ZC3H12B: variants seen among roughly 807,000 people sequenced by gnomAD.
ZC3H12B encodes the protein zinc finger CCCH-type containing 12B.
Under a neutral mutation model 43.9 loss-of-function variants are expected in ZC3H12B, and 7 were observed. The ratio of observed to expected loss-of-function variants is 0.16; its 90% CI spans 0.09 to 0.30. The LOEUF (loss-of-function observed/expected upper bound fraction) is 0.30. ZC3H12B is among the 10% of genes least tolerant of loss of function. The pLI is 1.00. For synonymous variants in ZC3H12B, 222 were observed against 241.7 expected (o/e 0.92, Z 0.76); for missense variants, 475 against 670.2 (o/e 0.71, Z 3.22).
At chrX:65,294,816 A>T in the ZC3H12B span, among the ~76,000 whole-genome samples, 4 of 111,444 alleles carry the variant, frequency 3.6e-5, no homozygotes, top group Non-Finnish European at 7.6e-5. Flanking sequence ...TCCTAAATAT[A>T]TATGCAGCTA....
chrX:65,298,593 T>C, the ZC3H12B span, among the ~76,000 whole-genome samples: 1 of 111,514 alleles, frequency 9.0e-6, no homozygotes, highest in East Asian at 2.8e-4. Flanking sequence ...GAAATTCCTC[T>C]TCTGGGTATA....
chrX:65,100,370 C>G, the ZC3H12B span, among the ~76,000 whole-genome samples: 1 of 107,309 alleles, frequency 9.3e-6, no homozygotes, highest in African/African-American at 3.4e-5. Flanking sequence ...CATTCAAATT[C>G]AGGAAATACA....
intron 2 of ZC3H12B, among the ~76,000 whole-genome samples, chrX:65,381,229 A>T (rs4467319): frequency 8.9e-6 from 1 of 111,853 alleles, no homozygotes; most frequent in East Asian, 2.8e-4. Context: ...CACACGTAAA[A>T]GAACAGAAAT....
At chrX:65,491,808 C>T (rs1163032460) in intron 1 of ZC3H12B, among the ~76,000 whole-genome samples, 1 of 108,210 alleles carries the variant, frequency 9.2e-6, no homozygotes, top group East Asian at 2.9e-4. Context: ...ATGACATCAT[C>T]ATAATTATAA....
the ZC3H12B span, among the ~76,000 whole-genome samples, chrX:65,349,549 C>T: frequency 2.7e-5 from 3 of 111,269 alleles, no homozygotes; most frequent in African/African-American, 9.8e-5. Flanking sequence ...GCACGAAAAA[C>T]CCTTCAAAAA....
At chrX:65,093,614 G>T in the ZC3H12B span, among the ~76,000 whole-genome samples, 2 of 112,286 alleles carry the variant, frequency 1.8e-5, no homozygotes, top group African/African-American at 6.5e-5. Flanking sequence ...TGACTGCCCT[G>T]CTGGGTTTTG....
the ZC3H12B span, among the ~76,000 whole-genome samples, chrX:65,085,333 T>C: frequency 9.0e-6 from 1 of 111,491 alleles, no homozygotes; most frequent in Non-Finnish European, 1.9e-5. Context: ...TTGATGTGAT[T>C]ACTTGACATT....
At chrX:65,126,492 C>T in the ZC3H12B span, among the ~76,000 whole-genome samples, 6 of 111,052 alleles carry the variant, frequency 5.4e-5, no homozygotes, top group South Asian at 3.8e-4. Flanking sequence ...TGAGGAATTT[C>T]CCAGGTGTTC....
chrX:65,120,216 G>A, the ZC3H12B span, among the ~76,000 whole-genome samples: 7 of 111,786 alleles, frequency 6.3e-5, no homozygotes, highest in African/African-American at 1.6e-4. Flanking sequence ...GGATTGCATT[G>A]AATCTATAAA....
At chrX:65,383,382 G>T (rs1047246393) in intron 2 of ZC3H12B, among the ~76,000 whole-genome samples, 3 of 111,814 alleles carry the variant, frequency 2.7e-5, no homozygotes, top group Admixed American at 9.5e-5. Flanking sequence ...AATGGTGCTG[G>T]GAAAACTGGC....
the ZC3H12B span, among the ~76,000 whole-genome samples, chrX:65,234,648 C>T: frequency 3.4e-4 from 38 of 112,112 alleles, no homozygotes; most frequent in South Asian, 0.013. Context: ...AAAAAGAAGT[C>T]TATTAGAACT....
intron 1 of ZC3H12B, among the ~76,000 whole-genome samples, chrX:65,368,169 G>A (rs2066197831): frequency 8.9e-6 from 1 of 111,914 alleles, no homozygotes; most frequent in Non-Finnish European, 1.9e-5. Flanking sequence ...AGAAAGGGAT[G>A]GCTATTCTTA....
the ZC3H12B span, among the ~76,000 whole-genome samples, chrX:65,225,983 T>C: frequency 3.6e-5 from 4 of 111,636 alleles, no homozygotes; most frequent in African/African-American, 1.3e-4. Context: ...TTCCCCAATC[T>C]AGCAAGGAAG....
chrX:65,161,779 T>C, the ZC3H12B span, among the ~76,000 whole-genome samples: 1 of 111,897 alleles, frequency 8.9e-6, no homozygotes, highest in Admixed American at 9.6e-5. Context: ...GTTAATATTG[T>C]TTTGTGTGAA....
intron 3 of ZC3H12B, among the ~76,000 whole-genome samples, chrX:65,402,747 C>A (rs2066778618): frequency 8.9e-6 from 1 of 112,684 alleles, no homozygotes; most frequent in South Asian, 3.6e-4. Context: ...TATGAGTCTG[C>A]AAGAACTGCA....
the ZC3H12B span, among the ~76,000 whole-genome samples, chrX:65,344,354 T>A: frequency 1.8e-5 from 2 of 111,739 alleles, no homozygotes; most frequent in African/African-American, 6.5e-5. Context: ...AACAGAATGG[T>A]ACTGGTACAA....
At chrX:65,507,704 A>C (rs2068439531) in exon 5 of ZC3H12B, 1 of 111,849 alleles carries the variant, frequency 8.9e-6, no homozygotes, top group Non-Finnish European at 1.9e-5. Flanking sequence ...GCCCTTCCCC[A>C]GTTTTGTCTG....
chrX:65,205,879 C>T, the ZC3H12B span, among the ~76,000 whole-genome samples: 6 of 111,788 alleles, frequency 5.4e-5, no homozygotes, highest in South Asian at 7.3e-4. Context: ...CCAACAGCAA[C>T]CAAGCTGAGA....
At chrX:65,256,324 A>T in the ZC3H12B span, among the ~76,000 whole-genome samples, 1 of 112,274 alleles carries the variant, frequency 8.9e-6, no homozygotes, top group African/African-American at 3.2e-5. Context: ...CAAAACTGTA[A>T]TTATACCAAA....
Sources: allele counts gnomAD v4.1 joint callset (sites outside exome capture counted in the v4.1 genomes callset), GRCh38; gene constraint gnomAD v4.1.1; transcripts MANE v1.5; gene names NCBI Gene and HGNC (gene_info 2026-07-23, HGNC 2026-07-21).